DAB1: variants seen among roughly 807,000 people sequenced by gnomAD.
DAB1 encodes the protein disabled homolog 1.
A neutral mutation model predicts 64.6 loss-of-function variants in DAB1; 15 were observed. The observed-to-expected ratio is 0.23, with a 90% CI of 0.16 to 0.36. The LOEUF is 0.36. Ranked by LOEUF, DAB1 falls within the 10% of genes least tolerant of loss-of-function variation. The pLI, the probability that DAB1 is intolerant of heterozygous loss-of-function variation, is 1.00. For synonymous variants in DAB1, 235 were observed against 251.9 expected, an observed-to-expected ratio of 0.93 and a Z score of 0.64; for missense variants, 596 against 706.7, an observed-to-expected ratio of 0.84 and a Z score of 1.78.
chr1:57,912,135 A>G (rs925832478), intron 5 of DAB1, among the ~76,000 whole-genome samples: 2 of 152,102 alleles, frequency 1.3e-5, no homozygotes, highest in African/African-American at 4.8e-5. Context: ...ATGTCTGCTA[A>G]CTCCTATTCT....
intron 4 of DAB1, among the ~76,000 whole-genome samples, chr1:58,328,047 C>T (rs528097940): frequency 1.3e-5 from 2 of 152,284 alleles, no homozygotes; most frequent in South Asian, 4.1e-4. Flanking sequence ...TTGGGCCTAA[C>T]GCAGTTCAGC....
At chr1:57,610,575 G>A (rs1351816366) in intron 7 of DAB1, among the ~76,000 whole-genome samples, 2 of 152,148 alleles carry the variant, frequency 1.3e-5, no homozygotes, top group Non-Finnish European at 2.9e-5. Flanking sequence ...AAATACCCAA[G>A]ACTGGGTAAT....
intron 6 of DAB1, among the ~76,000 whole-genome samples, chr1:57,819,818 A>G (rs1652034565): frequency 6.6e-6 from 1 of 152,248 alleles, no homozygotes; most frequent in South Asian, 2.1e-4. Flanking sequence ...AAAGGGGAAT[A>G]GCACAGAATA....
At position 58,114,077 on chromosome 1, in the gene DAB1, T is replaced by C. The variant is rs867792035; in HGVS notation, n.387+36434A>G. Among the ~76,000 whole-genome samples the C allele has an allele frequency of 2.2e-4, 30 of 135,970 alleles. No individual in the cohort carries two copies. The Middle Eastern group carries it at 0.019, about 85-fold the overall frequency. 89.2% of individuals were successfully genotyped at this position (135,970 alleles called of 152,430 possible). ...GCCTGGCCAACAGAGTGAAACCCCG[T>C]AATTACTAAAATACAAAAAAAAAAA... On this transcript the variant is annotated intron_variant and non_coding_transcript_variant, in intron 5 of 20. Coordinates refer to the DAB1 transcript ENST00000485760.
intron 3 of DAB1, among the ~76,000 whole-genome samples, chr1:58,384,256 A>G (rs1253430385): frequency 6.6e-6 from 1 of 152,214 alleles, no homozygotes; most frequent in Non-Finnish European, 1.5e-5. Context: ...GACTTGGAAA[A>G]AAAAATATGC....
At chr1:58,290,614 G>T (rs6703393) in intron 4 of DAB1, among the ~76,000 whole-genome samples, 97,333 of 151,936 alleles carry the variant, frequency 0.64, 32,987 homozygotes, top group East Asian at 0.85. Flanking sequence ...GCCAAGGAGA[G>T]CAAATAATTT....
chr1:58,513,623 C>G (rs1450900620), intron 2 of DAB1, among the ~76,000 whole-genome samples: 1 of 152,096 alleles, frequency 6.6e-6, no homozygotes, highest in Non-Finnish European at 1.5e-5. Flanking sequence ...AGACTGTAAA[C>G]TAAGATAATG....
At chr1:57,101,752 C>T (rs1287628452) in intron 4 of DAB1, among the ~76,000 whole-genome samples, 1 of 152,204 alleles carries the variant, frequency 6.6e-6, no homozygotes, top group Non-Finnish European at 1.5e-5. Flanking sequence ...GAATAAATAG[C>T]TGACATTCAG....
chr1:57,775,632 T>G (rs367801547), intron 6 of DAB1, among the ~76,000 whole-genome samples: 13 of 151,636 alleles, frequency 8.6e-5, no homozygotes, highest in Non-Finnish European at 1.8e-4. Context: ...ATAAGTTCTA[T>G]TTTGGTGAAA....
chr1:57,451,367 C>A (rs917332395), intron 7 of DAB1, among the ~76,000 whole-genome samples: 2 of 152,166 alleles, frequency 1.3e-5, no homozygotes, highest in Admixed American at 6.6e-5. Flanking sequence ...TCTATCACAT[C>A]CTGCTGGTTT....
chr1:57,061,578 G>T (rs932706568), intron 9 of DAB1, among the ~76,000 whole-genome samples: 5 of 152,210 alleles, frequency 3.3e-5, no homozygotes, highest in African/African-American at 1.2e-4. Flanking sequence ...CTTTGAGCTG[G>T]AATTGACTTT....
intron 7 of DAB1, 99 bp downstream of exon 7, chr1:57,070,924 G>T (rs1651394747): frequency 1.9e-6 from 2 of 1,062,070 alleles, no homozygotes; most frequent in Non-Finnish European, 2.9e-6. Context: ...CTCTCTCCAG[G>T]TTTTGCAGTC....
At chr1:57,891,492 G>A (rs1644313440) in intron 5 of DAB1, among the ~76,000 whole-genome samples, 1 of 152,134 alleles carries the variant, frequency 6.6e-6, no homozygotes. Context: ...ATTTGACCCA[G>A]CAATCCCATT....
At chr1:58,253,676 T>C (rs374465312) in intron 4 of DAB1, among the ~76,000 whole-genome samples, 10 of 152,332 alleles carry the variant, frequency 6.6e-5, no homozygotes, top group Admixed American at 2.0e-4. Flanking sequence ...TGACAGATGG[T>C]AAAACTGAGA....
chr1:57,850,459 T>A (rs1653470095), intron 1 of DAB1, among the ~76,000 whole-genome samples: 1 of 152,158 alleles, frequency 6.6e-6, no homozygotes, highest in African/African-American at 2.4e-5. Flanking sequence ...GTAGTTTTTT[T>A]TTTTTTTTTA....
At chr1:57,785,980 G>T (rs1650319398) in intron 6 of DAB1, among the ~76,000 whole-genome samples, 1 of 152,088 alleles carries the variant, frequency 6.6e-6, no homozygotes, top group Admixed American at 6.6e-5. Context: ...CTTATTTGAA[G>T]AAATTACTGC....
chr1:57,481,255 C>T (rs1644015412), intron 7 of DAB1, among the ~76,000 whole-genome samples: 1 of 152,080 alleles, frequency 6.6e-6, no homozygotes, highest in South Asian at 2.1e-4. Context: ...AGGGAGCTAC[C>T]CACAACCTAG....
At chr1:58,178,150 A>AAGT (rs1468181349) in intron 4 of DAB1, among the ~76,000 whole-genome samples, 1 of 152,112 alleles carries the variant, frequency 6.6e-6, no homozygotes, top group African/African-American at 2.4e-5. Context: ...TTACTAATTA[A>AAGT]AGTAGTAACC....
chr1:57,700,096 T>C (rs1335262782), intron 6 of DAB1, among the ~76,000 whole-genome samples: 1 of 152,174 alleles, frequency 6.6e-6, no homozygotes, highest in Non-Finnish European at 1.5e-5. Context: ...GACTGCTCTC[T>C]CCTCAGGTGC....
Sources: gnomAD v4.1 joint callset for allele counts (sites outside exome capture counted in the v4.1 genomes callset) on GRCh38, gnomAD v4.1.1 for gene constraint, MANE v1.5 for transcripts, NCBI Gene and HGNC (gene_info 2026-07-23, HGNC 2026-07-21) for gene names.